The following EIF4G2 variants were observed in gnomAD, a reference collection of about 807,000 sequenced individuals.
EIF4G2 encodes eukaryotic translation initiation factor 4 gamma 2, also known as DAP-5.
A neutral mutation model predicts 117.7 loss-of-function variants in EIF4G2; 8 were observed. That is an observed-to-expected ratio of 0.07 (90% CI 0.04 to 0.12). The LOEUF (loss-of-function observed/expected upper bound fraction) is 0.12, where lower values mean the gene tolerates loss of function less well. EIF4G2 is among the 10% of genes least tolerant of loss of function. The pLI, the probability that EIF4G2 is intolerant of heterozygous loss-of-function variation, is 1.00. For synonymous variants in EIF4G2, 413 were observed against 367.8 expected, an observed-to-expected ratio of 1.12 and a Z score of -1.41; for missense variants, 812 against 1,086.2, an observed-to-expected ratio of 0.75 and a Z score of 3.55.
chr11:10,798,620 G>C (rs1211414171), intron 21 of EIF4G2: 1 of 164,460 alleles, frequency 6.1e-6, no homozygotes, highest in South Asian at 1.5e-4. Flanking sequence ...CTGAGCTCAA[G>C]TGATCCTCCC....
intron 3 of EIF4G2, 193 bp from the exon 4 acceptor site, chr11:10,806,240 T>C: frequency 1.4e-6 from 1 of 719,544 alleles, no homozygotes; most frequent in Non-Finnish European, 2.2e-6. Flanking sequence ...TACAGATTGC[T>C]GGGCCCACCC....
At position 10,806,076 on chromosome 11, in the gene EIF4G2, T is replaced by A. The variant is rs1416900537; in HGVS notation, c.108-29A>T. On this transcript the variant is annotated intron_variant, in intron 3 of 21. Transcript: ENST00000339995. ...ATTAATAAAAATCAGCAAAAACACT[T>A]ATTGTCACACACCAAATGTTAAACA... The A allele has an allele frequency of 2.5e-6, 4 of 1,613,700 alleles. No homozygotes were observed. The African/African-American group carries it at 5.3e-5, about 22-fold the overall frequency.
Position 10,800,644 on chromosome 11 carries a change from T to A in EIF4G2, c.1648A>T (p.Thr550Ser). The change falls in exon 17 of 22, where the codon ACT becomes TCT. Residue 550 changes from threonine (T) to serine (S), a missense_variant. Transcript: ENST00000339995. ...CTATTTAGATATTCAGTCACAACAG[T>A]TTCCTGTGAAGAACACAAGTATCTT... is the stretch of plus-strand genomic sequence containing the variant. 6.2e-7 allele frequency: 1 copy of A among 1,614,156 alleles called. No homozygotes were observed. The highest frequency in any genetic ancestry group is 8.5e-7 in the Non-Finnish European group (1 of 1,180,018).
chr11:10,806,215 T>G, intron 3 of EIF4G2, 168 bp from the exon 4 acceptor site: 2 of 882,576 alleles, frequency 2.3e-6, no homozygotes, highest in Non-Finnish European at 3.4e-6. Context: ...CAGAATCACC[T>G]GAAGGGCTTG....
intron 17 of EIF4G2, 27 bp from the exon 18 acceptor site, chr11:10,800,375 C>T (rs1285112947): frequency 6.2e-7 from 1 of 1,612,420 alleles, no homozygotes; most frequent in Admixed American, 1.7e-5. Context: ...AACAGTTTAT[C>T]AGTTTTCGAA....
chr11:10,807,873 G>A (rs1280093062), intron 1 of EIF4G2: 2 of 1,008,418 alleles, frequency 2.0e-6, no homozygotes, highest in Admixed American at 6.1e-5. Flanking sequence ...GGGTGTACAG[G>A]ACTAGCACTT....
At chr11:10,801,888 G>C in intron 13 of EIF4G2, 114 bp from the exon 14 acceptor site, 1 of 1,195,322 alleles carries the variant, frequency 8.4e-7, no homozygotes. Context: ...AATTTGCCCA[G>C]AGAAAGTAAA....
intron 14 of EIF4G2, 22 bp downstream of exon 14, chr11:10,801,639 T>C: frequency 1.3e-6 from 2 of 1,599,966 alleles, no homozygotes; most frequent in Non-Finnish European, 8.6e-7. Flanking sequence ...CTATGGTATA[T>C]AAGTAACATA....
chr11:10,800,124 T>C lies in EIF4G2; in HGVS notation c.2085A>G (p.Gln695=). Residue 695 remains glutamine, a synonymous_variant, in exon 18 of 22, where the codon CAA becomes CAG. Transcript: ENST00000339995. ...TTTTCTGCATATTGACCTTGCTTTG[T>C]TGAAAAAGTTCTGTTAACCATTCTC... 1 of 1,614,024 alleles carries C rather than the reference T, an allele frequency of 6.2e-7. No homozygotes were observed. Among genetic ancestry groups the C allele is most frequent in the Non-Finnish European group, 8.5e-7 (1 of 1,179,994 alleles).
Position 10,797,793 on chromosome 11 carries a change from A to G in EIF4G2, c.*23T>C. On this transcript the variant is annotated 3_prime_UTR_variant, in exon 22 of 22. Transcript: ENST00000339995. This position sits in a 1 kb window ranked among gnomAD's most constrained non-coding sequence, Gnocchi z 4.5. ...ATCATAGCAACAGTATGTTTTGCAC[A>G]ATTTAAGGCTTTGGCTGGTTCTTTA... is the stretch of plus-strand genomic sequence containing the variant. The G allele has an allele frequency of 6.2e-7, 1 of 1,613,302 alleles. No homozygotes were observed. Among genetic ancestry groups the G allele is most frequent in the Non-Finnish European group, 8.5e-7 (1 of 1,179,614 alleles).
chr11:10,802,970 A>G, intron 11 of EIF4G2, 60 bp downstream of exon 11: 2 of 1,494,718 alleles, frequency 1.3e-6, no homozygotes, highest in South Asian at 1.2e-5. Context: ...TGAGGAGGAA[A>G]CCCATTCTAT....
Position 10,803,301 on chromosome 11 carries a change from AGAG to A in EIF4G2, c.814-10_814-8del. ...AGTACTGATCCATTAAGGACTGATAAGAGAAGAATACATTCATTGGAAGAGCTA... is the reference window on the plus strand; with the variant it reads ...AGTACTGATCCATTAAGGACTGATAAAAGAATACATTCATTGGAAGAGCTA... On this transcript the variant is annotated splice_polypyrimidine_tract_variant and splice_region_variant and intron_variant, in intron 9 of 21. Transcript: ENST00000339995. This position sits in a 1 kb window ranked among gnomAD's most constrained non-coding sequence, Gnocchi z 4.0. The A allele has an allele frequency of 1.2e-6, 2 of 1,611,858 alleles. No homozygotes were observed. The highest frequency in any genetic ancestry group is 1.7e-6 in the Non-Finnish European group (2 of 1,179,246).
At chr11:10,798,792 T>G in intron 21 of EIF4G2, 200 bp downstream of exon 21, 1 of 600,368 alleles carries the variant, frequency 1.7e-6, no homozygotes, top group Non-Finnish European at 2.7e-6. Context: ...ACCTCTAACA[T>G]CTTATACACC....
chr11:10,804,206 G>T lies in EIF4G2; in HGVS notation c.484-3C>A, dbSNP rs772255992. 1.2e-6 allele frequency: 2 copies of T among 1,613,942 alleles called. No homozygotes were observed. Among genetic ancestry groups the T allele is most frequent in the Non-Finnish European group, 1.7e-6 (2 of 1,179,962 alleles). ...GAAATTAGGAGGCGTCTGAATGTCTGGAAAAGAAGACATTGTCATGCTTTA... is the reference window on the plus strand; with the variant it reads ...GAAATTAGGAGGCGTCTGAATGTCTTGAAAAGAAGACATTGTCATGCTTTA... On this transcript the variant is annotated splice_polypyrimidine_tract_variant and splice_region_variant and intron_variant, in intron 6 of 21. Transcript: ENST00000339995.
At position 10,806,891 on chromosome 11, in the gene EIF4G2, T is replaced by TA; in HGVS notation, c.42-7dup. On this transcript the variant is annotated splice_polypyrimidine_tract_variant and splice_region_variant and intron_variant, in intron 2 of 21. Transcript: ENST00000339995. ...CTCCTCCGCCCGAAGAAGCACTATT[T>TA]AAAAGAAAAAAATTGTTTACTGTAT... 1 of 1,613,842 alleles carries TA rather than the reference T, an allele frequency of 6.2e-7. No individual in the cohort carries two copies. Among genetic ancestry groups the TA allele is most frequent in the South Asian group, 1.1e-5 (1 of 91,078 alleles).
chr11:10,806,188 G>C, intron 3 of EIF4G2, 141 bp from the exon 4 acceptor site: 1 of 1,137,462 alleles, frequency 8.8e-7, no homozygotes. Context: ...TAGTGCTTCT[G>C]GAACAGTAGT....
At chr11:10,807,093 T>C (rs1847598367) in intron 2 of EIF4G2, 162 bp downstream of exon 2, 31 of 1,226,868 alleles carry the variant, frequency 2.5e-5, no homozygotes, top group Middle Eastern at 2.5e-4. Context: ...ATAATTGATT[T>C]TATTTATTCT....
Position 10,802,392 on chromosome 11 carries a change from C to T in EIF4G2, c.1040G>A (p.Arg347Lys), listed in dbSNP as rs2135412806. ...CGGTCCCTCCAGAAAGAAGTCACTTCTCATCCCTTGAGCCATAGGAGCAGG... is the reference window on the plus strand; with the variant it reads ...CGGTCCCTCCAGAAAGAAGTCACTTTTCATCCCTTGAGCCATAGGAGCAGG... The change falls in exon 12 of 22, where the codon AGA becomes AAA. Residue 347 changes from arginine to lysine, a missense_variant. This residue lies in a region of EIF4G2 where 571 missense variants were observed against 642.3 expected (regional missense o/e 0.89). Transcript: ENST00000339995. 6.2e-7 allele frequency: 1 copy of T among 1,613,596 alleles called. No homozygotes were observed. Among genetic ancestry groups the T allele is most frequent in the Admixed American group, 1.7e-5 (1 of 59,860 alleles).
chr11:10,802,110 T>A lies in EIF4G2; in HGVS notation c.1238A>T (p.His413Leu). The change falls in exon 13 of 22, where the codon CAC becomes CTC. Residue 413 changes from histidine to leucine, a missense_variant. His to Leu is a moderately conservative substitution (Grantham distance 99). Around this residue, in one of 4 missense-constraint regions of EIF4G2, gnomAD observed 571 missense variants for 642.3 expected, o/e 0.89. Coordinates refer to ENST00000339995, the MANE Select transcript of EIF4G2 (RefSeq NM_001418.4). ...CTGCGATTGTGTGGGAGGCATGATG[T>A]GTCCCCCATGGCCATTGAAGAGTTG... 6.2e-7 allele frequency: 1 copy of A among 1,614,278 alleles called. No individual in the cohort carries two copies. The highest frequency in any genetic ancestry group is 8.5e-7 in the Non-Finnish European group (1 of 1,180,050).
Sources: gnomAD v4.1 joint callset for allele counts on GRCh38, gnomAD v4.1.1 for gene constraint, gnomAD v4.1.1 regional missense constraint, Gnocchi (gnomAD v3.1) non-coding constraint, MANE v1.5 for transcripts, NCBI Gene and HGNC (gene_info 2026-07-23, HGNC 2026-07-21) for gene names.